SCFD1: variants seen among roughly 807,000 people sequenced by gnomAD.
The protein encoded by SCFD1 is sec1 family domain-containing protein 1.
A neutral mutation model predicts 103.2 loss-of-function variants in SCFD1; 37 were observed. The ratio of observed to expected loss-of-function variants is 0.36; its 90% CI spans 0.28 to 0.47. The LOEUF is 0.47. SCFD1 is among the 20% of genes least tolerant of loss of function. The pLI is 1.00. For synonymous variants in SCFD1, 264 were observed against 245.0 expected (o/e 1.08, Z -0.73); for missense variants, 639 against 761.2 (o/e 0.84, Z 1.89).
At chr14:30,646,703 C>T (rs1341373451) in intron 7 of SCFD1, among the ~76,000 whole-genome samples, 1 of 152,034 alleles carries the variant, frequency 6.6e-6, no homozygotes, top group Non-Finnish European at 1.5e-5. Context: ...GGTGCCAGCT[C>T]TTCTTTGTAT....
intron 20 of SCFD1, among the ~76,000 whole-genome samples, chr14:30,717,969 T>G (rs574770216): frequency 1.3e-5 from 2 of 152,222 alleles, no homozygotes; most frequent in Admixed American, 6.5e-5. Context: ...AGTACTAGTA[T>G]TATTATTTTC....
chr14:30,698,906 A>G (rs1890882255), intron 15 of SCFD1, among the ~76,000 whole-genome samples: 1 of 152,192 alleles, frequency 6.6e-6, no homozygotes, highest in African/African-American at 2.4e-5. Flanking sequence ...AGAGGGGAAG[A>G]GCTAGAAGAC....
rs188898782 is a variant in SCFD1, at chr14:30,666,569, A to C, written c.856-3687A>C. Among the ~76,000 whole-genome samples, 4 of 152,228 alleles carry C rather than the reference A, an allele frequency of 2.6e-5. No individual in the cohort carries two copies. The East Asian group carries it at 7.7e-4, about 29-fold the overall frequency. Reference sequence around the variant, plus strand: ...TAAGATCAGAGCAGAAATGAAGGAGATAGAGACACAAAAAACCCTTCAAAA... The same window carrying C: ...TAAGATCAGAGCAGAAATGAAGGAGCTAGAGACACAAAAAACCCTTCAAAA... On this transcript the variant is annotated intron_variant, in intron 10 of 24. Transcript: ENST00000458591.
chr14:30,673,950 C>T lies in SCFD1; in HGVS notation c.1113C>T (p.Ala371=). The change falls in exon 13 of 25, where the codon GCC becomes GCT. Residue 371 remains alanine, a synonymous_variant. Coordinates refer to ENST00000458591, the MANE Select transcript of SCFD1 (RefSeq NM_016106.4). ...GACTAGAAGGGGAAGATGAAGGAGC[C>T]ATAAGTATGCTTTCTGACAATACCG... ...IMGLEGEDEG[A]ISMLSDNTAK... is the part of the protein sequence containing the mutation. 2 of 1,613,600 alleles carry T rather than the reference C, an allele frequency of 1.2e-6. No homozygotes were observed. Among genetic ancestry groups the T allele is most frequent in the Non-Finnish European group, 1.7e-6 (2 of 1,179,714 alleles).
intron 16 of SCFD1, among the ~76,000 whole-genome samples, chr14:30,701,033 A>G (rs574508786): frequency 2.0e-5 from 3 of 152,328 alleles, no homozygotes; most frequent in East Asian, 3.9e-4. Flanking sequence ...TGTTAACTGT[A>G]TACTTTTACT....
chr14:30,673,684 A>G (rs1027872432), intron 12 of SCFD1, among the ~76,000 whole-genome samples: 3 of 152,204 alleles, frequency 2.0e-5, no homozygotes, highest in Non-Finnish European at 2.9e-5. Flanking sequence ...TCCTTATCCA[A>G]AAATGCCAGC....
chr14:30,702,039 G>A (rs1348052539), intron 16 of SCFD1, among the ~76,000 whole-genome samples: 4 of 152,140 alleles, frequency 2.6e-5, no homozygotes, highest in African/African-American at 9.7e-5. Flanking sequence ...TAGCTTTGTT[G>A]GACTTGCTGA....
intron 14 of SCFD1, among the ~76,000 whole-genome samples, chr14:30,679,682 A>AC (rs975262703): frequency 4.0e-5 from 4 of 99,900 alleles, no homozygotes; most frequent in African/African-American, 1.2e-4. Context: ...ACATAAACTG[A>AC]CTTTTTTTTT....
chr14:30,719,571 C>G (rs1322817233), intron 21 of SCFD1, among the ~76,000 whole-genome samples, 194 bp downstream of exon 21: 1 of 152,106 alleles, frequency 6.6e-6, no homozygotes. Flanking sequence ...TTTCCTTCCA[C>G]ATATACACAC....
chr14:30,639,568 A>G (rs1231271155), intron 5 of SCFD1, among the ~76,000 whole-genome samples: 1 of 152,082 alleles, frequency 6.6e-6, no homozygotes, highest in African/African-American at 2.4e-5. Context: ...CTTCATATTT[A>G]TTGCCCAAAG....
chr14:30,634,182 A>C (rs1339953829), intron 4 of SCFD1, 145 bp downstream of exon 4: 1 of 578,734 alleles, frequency 1.7e-6, no homozygotes, highest in Non-Finnish European at 3.1e-6. Flanking sequence ...TTTGAATTCC[A>C]AATAGCCTGA....
intron 10 of SCFD1, among the ~76,000 whole-genome samples, chr14:30,655,921 A>G (rs560156332): frequency 6.6e-6 from 1 of 152,234 alleles, no homozygotes; most frequent in South Asian, 2.1e-4. Context: ...TGGGCCCAGG[A>G]GTTCAAGACC....
chr14:30,728,262 G>T (rs985771944), intron 23 of SCFD1, among the ~76,000 whole-genome samples: 1 of 152,132 alleles, frequency 6.6e-6, no homozygotes, highest in African/African-American at 2.4e-5. Context: ...ACTTTGAAAA[G>T]TGTTTCAAAC....
At chr14:30,703,500 CT>C (rs923245720) in intron 17 of SCFD1, among the ~76,000 whole-genome samples, 1 of 148,498 alleles carries the variant, frequency 6.7e-6, no homozygotes, top group African/African-American at 2.5e-5. Context: ...ATTTTTTTTC[CT>C]TTTGGGTGCT....
At chr14:30,647,399 T>A (rs2139084468) in intron 7 of SCFD1, among the ~76,000 whole-genome samples, 1 of 152,182 alleles carries the variant, frequency 6.6e-6, no homozygotes, top group Admixed American at 6.5e-5. Flanking sequence ...GAGCTCCAAT[T>A]TTTGATTCTT....
At chr14:30,670,457 A>C in intron 11 of SCFD1, 62 bp downstream of exon 11, 1 of 1,238,962 alleles carries the variant, frequency 8.1e-7, no homozygotes, top group South Asian at 1.7e-5. Context: ...GGTGTCATCC[A>C]CCTTAATGAA....
intron 11 of SCFD1, among the ~76,000 whole-genome samples, chr14:30,672,865 A>G (rs1888684592): frequency 6.6e-6 from 1 of 152,184 alleles, no homozygotes; most frequent in African/African-American, 2.4e-5. Context: ...ACCCTTTGAC[A>G]TGACGTGTTA....
intron 23 of SCFD1, among the ~76,000 whole-genome samples, chr14:30,724,284 A>T (rs1594768302): frequency 2.2e-5 from 2 of 92,552 alleles, no homozygotes; most frequent in African/African-American, 4.5e-5. Flanking sequence ...AGACAGTCTT[A>T]CTCCATCGCC....
rs140260967 is a variant in SCFD1, at chr14:30,730,308, G to A, written c.1837-4482G>A. 5.9e-4 allele frequency among the ~76,000 whole-genome samples: 90 copies of A among 151,788 alleles called. 3 individuals carry two copies. The East Asian group carries it at 7.5e-3, about 13-fold the overall frequency. On this transcript the variant is annotated intron_variant, in intron 23 of 24. Coordinates refer to ENST00000458591, the MANE Select transcript of SCFD1 (RefSeq NM_016106.4). Reference sequence around the variant, plus strand: ...AGTCTTTGCTGTTGTGAATAGTGCCGCAATAAACATACCTGTGCATGTGTC... The same window carrying A: ...AGTCTTTGCTGTTGTGAATAGTGCCACAATAAACATACCTGTGCATGTGTC...
Sources: allele counts gnomAD v4.1 joint callset (sites outside exome capture counted in the v4.1 genomes callset), GRCh38; gene constraint gnomAD v4.1.1; transcripts MANE v1.5; gene names NCBI Gene and HGNC (gene_info 2026-07-23, HGNC 2026-07-21).